Variants in RBM28 observed in about 807,000 individuals in gnomAD.
RBM28 encodes the protein RNA binding motif protein 28.
Under a neutral mutation model 98.3 loss-of-function variants are expected in RBM28, and 78 were observed. That is an observed-to-expected ratio of 0.79 (90% CI 0.66 to 0.96). The LOEUF is 0.96. Ranked by LOEUF, RBM28 falls within the 40% of genes least tolerant of loss-of-function variation. The probability of loss-of-function intolerance (pLI) is 0.00; values close to 1 mark genes in which losing one functional copy is unlikely to be tolerated. For synonymous variants in RBM28, 306 were observed against 330.9 expected (o/e 0.92, Z 0.82); for missense variants, 838 against 913.0 (o/e 0.92, Z 1.06).
chr7:128,342,159 C>T (rs1294384361), intron 1 of RBM28, among the ~76,000 whole-genome samples: 1 of 152,170 alleles, frequency 6.6e-6, no homozygotes, highest in Non-Finnish European at 1.5e-5. Context: ...GAGCAAGACC[C>T]TGTTTCTAAA....
In RBM28 at chr7:128,302,295, G is replaced by A. The variant is rs1795792153; in HGVS notation, c.*8502C>T. 6.6e-6 allele frequency: 1 copy of A among 152,278 alleles called. No individual in the cohort carries two copies. Among genetic ancestry groups the A allele is most frequent in the Admixed American group, 6.5e-5 (1 of 15,282 alleles). The allele number at this position is 152,278 out of a possible 1,614,324, so 9.4% of individuals were successfully genotyped here. On this transcript the variant is annotated 3_prime_UTR_variant, in exon 19 of 19. Coordinates refer to ENST00000223073, the MANE Select transcript of RBM28 (RefSeq NM_018077.3). ...CACACGCGGCTGGCTGCGGGCAGGA[G>A]AGCTGGGCTCATTCGTTCTGGCAGC...
At chr7:128,312,429 T>C (rs1796005357) in intron 18 of RBM28, among the ~76,000 whole-genome samples, 1 of 152,086 alleles carries the variant, frequency 6.6e-6, no homozygotes, top group African/African-American at 2.4e-5. Context: ...AAAACTGAAC[T>C]TGATCAAGCT....
intron 16 of RBM28, among the ~76,000 whole-genome samples, chr7:128,315,712 GA>G (rs879497690): frequency 6.6e-6 from 1 of 150,776 alleles, no homozygotes; most frequent in African/African-American, 2.4e-5. Context: ...ATTTTTAAAA[GA>G]AAAAAAAATC....
intron 6 of RBM28, 144 bp downstream of exon 6, chr7:128,336,987 A>G: frequency 1.2e-6 from 1 of 860,372 alleles, no homozygotes; most frequent in Non-Finnish European, 2.0e-6. Flanking sequence ...ACTGCAAGCA[A>G]TCCACCCAAA....
rs1379751124 is a variant in RBM28, at chr7:128,335,854, G to T, written c.802C>A (p.Gln268Lys). The T allele has an allele frequency of 6.2e-7, 1 of 1,614,104 alleles. No homozygotes were observed. Among genetic ancestry groups the T allele is most frequent in the East Asian group, 2.2e-5 (1 of 44,888 alleles). The change falls in exon 7 of 19, where the codon CAG (glutamine) becomes AAG (lysine). Residue 268 changes from glutamine to lysine, a missense_variant. Gln to Lys is a moderately conservative substitution (Grantham distance 53). Transcript: ENST00000223073. ...ESKVTKPVQI[Q>K]KRAVKRPAPA... is the part of the protein sequence containing the mutation. ...ACAGGATGAGCTGCTTACCTCTTCT[G>T]AATTTGCACAGGCTTGGTCACCTTT...
At chr7:128,318,979 C>A (rs1486299452) in intron 14 of RBM28, among the ~76,000 whole-genome samples, 1 of 152,218 alleles carries the variant, frequency 6.6e-6, no homozygotes, top group Non-Finnish European at 1.5e-5. Flanking sequence ...TTTCAGCTCT[C>A]TTTGCTTGCA....
At chr7:128,338,838 AAT>A in intron 3 of RBM28, 37 bp from the exon 4 acceptor site, 1 of 1,362,142 alleles carries the variant, frequency 7.3e-7, no homozygotes, top group Non-Finnish European at 1.1e-6. Flanking sequence ...AGAGAAACAC[AAT>A]CACAGCAAAT....
chr7:128,332,560 G>A (rs1796503630), intron 9 of RBM28, among the ~76,000 whole-genome samples: 1 of 151,992 alleles, frequency 6.6e-6, no homozygotes, highest in Non-Finnish European at 1.5e-5. Flanking sequence ...TCACCATGTT[G>A]GCCAGGCTGG....
intron 14 of RBM28, among the ~76,000 whole-genome samples, chr7:128,320,702 G>A (rs557965063): frequency 6.6e-6 from 1 of 152,340 alleles, no homozygotes; most frequent in African/African-American, 2.4e-5. Context: ...ATAATGCTAA[G>A]CACACAACAG....
chr7:128,337,747 G>A (rs779827265), intron 5 of RBM28, among the ~76,000 whole-genome samples: 73 of 151,876 alleles, frequency 4.8e-4, no homozygotes, highest in Admixed American at 4.1e-3. Context: ...CAGTAGAGAC[G>A]GGGTTTCGCC....
At chr7:128,333,243 A>C (rs374603950) in intron 9 of RBM28, 47 bp downstream of exon 9, 9 of 1,415,448 alleles carry the variant, frequency 6.4e-6, no homozygotes, top group African/African-American at 1.4e-5. Flanking sequence ...AGGAAGAGAG[A>C]TCTATGAAGA....
Position 128,308,179 on chromosome 7 carries a change from T to C in RBM28, c.*2618A>G, listed in dbSNP as rs772984246. 1.3e-5 allele frequency: 2 copies of C among 152,178 alleles called. No homozygotes were observed. Among genetic ancestry groups the C allele is most frequent in the African/African-American group, 4.8e-5 (2 of 41,438 alleles). The allele number at this position is 152,178 out of a possible 1,614,324, so 9.4% of individuals were successfully genotyped here. A position where few individuals can be genotyped will look rare whatever the true frequency, so the allele number is the denominator to read the frequency against. ...TTAAGAAAGGGAAGATTCAACCTCA[T>C]ATAAAGAACTCTTTAAAGAACTGTA... On this transcript the variant is annotated 3_prime_UTR_variant, in exon 19 of 19. Coordinates refer to ENST00000223073, the MANE Select transcript of RBM28 (RefSeq NM_018077.3).
At chr7:128,327,347 A>C (rs1796376044) in intron 10 of RBM28, among the ~76,000 whole-genome samples, 1 of 152,150 alleles carries the variant, frequency 6.6e-6, no homozygotes, top group Admixed American at 6.5e-5. Context: ...TCAGAGTAAA[A>C]GTCTCTGTCC....
At chr7:128,312,643 C>A (rs926716329) in intron 18 of RBM28, among the ~76,000 whole-genome samples, 1 of 96,018 alleles carries the variant, frequency 1.0e-5, no homozygotes, top group African/African-American at 5.6e-5. Flanking sequence ...AAATTAAAAA[C>A]CCAAGTATAA....
chr7:128,317,721 C>T lies in RBM28; in HGVS notation c.1726G>A (p.Glu576Lys). ...IFGPLKRPIVEFSLEDRRKLK... is the reference protein window; with the variant it reads ...IFGPLKRPIVKFSLEDRRKLK... ...TTTCTTCGATCTTCTAAAGAGAACT[C>T]CACTATTGGTCTCTGTCAGAGGGAG... Residue 576 changes from glutamate (E) to lysine (K), a missense_variant, in exon 16 of 19, where the codon GAG (glutamate) becomes AAG (lysine). Transcript: ENST00000223073. The T allele has an allele frequency of 6.2e-7, 1 of 1,602,322 alleles. No individual in the cohort carries two copies. The highest frequency in any genetic ancestry group is 8.6e-7 in the Non-Finnish European group (1 of 1,169,452).
At position 128,310,340 on chromosome 7, in the gene RBM28, AGG is replaced by A; in HGVS notation, c.*455_*456del. ...GTGTGTAAGACTACAGAGCTGAATT[AGG>A]AATGTCAAAGAATGTTCATACATAA... On this transcript the variant is annotated 3_prime_UTR_variant, in exon 19 of 19. Transcript: ENST00000223073. The A allele has an allele frequency of 2.1e-5, 5 of 243,730 alleles. No individual in the cohort carries two copies. The highest frequency in any genetic ancestry group is 1.1e-4 in the South Asian group (2 of 18,562). The allele number at this position is 243,730 out of a possible 1,614,324, so 15.1% of individuals were successfully genotyped here. A position where few individuals can be genotyped will look rare whatever the true frequency, so the allele number is the denominator to read the frequency against.
At position 128,343,757 on chromosome 7, in the gene RBM28, G is replaced by A. The variant is rs771245016; in HGVS notation, c.37C>T (p.Pro13Ser). 1.2e-6 allele frequency: 2 copies of A among 1,610,164 alleles called. No homozygotes were observed. The highest frequency in any genetic ancestry group is 1.7e-6 in the Non-Finnish European group (2 of 1,178,148). The change falls in exon 1 of 19, where the codon CCC (proline) becomes TCC (serine). Residue 13 changes from proline (P) to serine (S), a missense_variant. Physicochemically the swap from Pro to Ser is moderately conservative, Grantham distance 74 (BLOSUM62 -1). Transcript: ENST00000223073. ...GLTLFVGRLP[P>S]SARSEQLEEL... ...TCCAGCTGCTCACTGCGGGCCGAGG[G>A]CGGGAGGCGGCCCACAAATAAGGTC...
Position 128,337,209 on chromosome 7 carries a change from A to C in RBM28, c.542-7T>G. 5.6e-6 allele frequency: 9 copies of C among 1,614,080 alleles called. No individual in the cohort carries two copies. The highest frequency in any genetic ancestry group is 7.6e-6 in the Non-Finnish European group (9 of 1,179,974). On this transcript the variant is annotated splice_region_variant and splice_polypyrimidine_tract_variant and intron_variant, in intron 5 of 18. Transcript: ENST00000223073. ...TCCACAGCCACTGTCCGGCCTGTCA[A>C]GCAGAAAAGTGGCATCAGAAAGGCT...
chr7:128,336,988 T>A, intron 6 of RBM28, 143 bp downstream of exon 6: 1 of 866,948 alleles, frequency 1.2e-6, no homozygotes, highest in Non-Finnish European at 1.9e-6. Context: ...CTGCAAGCAA[T>A]CCACCCAAAG....
Sources: allele counts gnomAD v4.1 joint callset (sites outside exome capture counted in the v4.1 genomes callset), GRCh38; gene constraint gnomAD v4.1.1; transcripts MANE v1.5; gene names NCBI Gene and HGNC (gene_info 2026-07-23, HGNC 2026-07-21).